GRM8: variants seen among roughly 807,000 people sequenced by gnomAD.
The protein encoded by GRM8 is metabotropic glutamate receptor 8.
A neutral mutation model predicts 87.2 loss-of-function variants in GRM8; 47 were observed. The observed-to-expected ratio is 0.54, with a 90% CI of 0.43 to 0.69. GRM8 has a LOEUF of 0.69. GRM8 is among the 30% of genes least tolerant of loss of function. The probability of loss-of-function intolerance (pLI) is 0.00; values close to 1 mark genes in which losing one functional copy is unlikely to be tolerated. For synonymous variants in GRM8, 396 were observed against 404.5 expected (o/e 0.98, Z 0.25); for missense variants, 1,019 against 1,139.2 (o/e 0.89, Z 1.52).
intron 7 of GRM8, among the ~76,000 whole-genome samples, chr7:126,759,394 A>G (rs1460724869): frequency 8.4e-6 from 1 of 119,138 alleles, no homozygotes; most frequent in Non-Finnish European, 1.9e-5. Flanking sequence ...CGTTCCATCA[A>G]TAAAAAAAGT....
chr7:126,700,107 T>A (rs890052623), intron 7 of GRM8, among the ~76,000 whole-genome samples: 1 of 152,182 alleles, frequency 6.6e-6, no homozygotes, highest in Non-Finnish European at 1.5e-5. Flanking sequence ...CTGATTCAAC[T>A]TTACAGAATG....
At chr7:127,065,895 A>T (rs1025224718) in intron 3 of GRM8, among the ~76,000 whole-genome samples, 6 of 151,802 alleles carry the variant, frequency 4.0e-5, no homozygotes, top group African/African-American at 1.5e-4. Flanking sequence ...CTTTCCCTGT[A>T]AAAAAAAGAA....
At chr7:126,696,904 T>A (rs1056379461) in intron 7 of GRM8, among the ~76,000 whole-genome samples, 1 of 152,088 alleles carries the variant, frequency 6.6e-6, no homozygotes, top group Non-Finnish European at 1.5e-5. Flanking sequence ...CAGCACCTTG[T>A]AGAAATATCC....
At chr7:126,625,762 G>C (rs1310158027) in intron 7 of GRM8, among the ~76,000 whole-genome samples, 1 of 152,022 alleles carries the variant, frequency 6.6e-6, no homozygotes, top group African/African-American at 2.4e-5. Context: ...AAAATCTCTT[G>C]TAAGAAAAGT....
intron 6 of GRM8, among the ~76,000 whole-genome samples, chr7:126,832,602 T>C (rs952341022): frequency 6.6e-6 from 1 of 152,204 alleles, no homozygotes; most frequent in African/African-American, 2.4e-5. Context: ...TCATCAAACA[T>C]AGTCATAGTA....
intron 6 of GRM8, among the ~76,000 whole-genome samples, chr7:126,840,915 G>T (rs760388557): frequency 1.1e-4 from 17 of 152,180 alleles, no homozygotes; most frequent in Non-Finnish European, 2.4e-4. Context: ...ATGTAACAAA[G>T]AAGATATATT....
At chr7:126,453,193 T>C (rs1160985332) in intron 9 of GRM8, among the ~76,000 whole-genome samples, 3 of 151,658 alleles carry the variant, frequency 2.0e-5, no homozygotes, top group Non-Finnish European at 2.9e-5. Flanking sequence ...CAAAGAATTA[T>C]AGTCCAATTT....
rs565668958 is a variant in GRM8 at position 127,003,621 on chromosome 7, G to C, written c.728-98938C>G. ...TAGCTGTGTCGTGTCAAATAGAACA[G>C]ATACTAAACTACAGAAATTGAGTTA... On this transcript the variant is annotated intron_variant, in intron 3 of 10. Coordinates refer to ENST00000339582, the MANE Select transcript of GRM8 (RefSeq NM_000845.3). Among the ~76,000 whole-genome samples, 305 of 151,858 alleles carry C rather than the reference G, an allele frequency of 2.0e-3. 1 individual carries two copies. Among genetic ancestry groups the C allele is most frequent in the Middle Eastern group, 3.4e-3 (1 of 294 alleles).
chr7:126,750,789 T>C (rs1816329588), intron 7 of GRM8, among the ~76,000 whole-genome samples: 1 of 152,138 alleles, frequency 6.6e-6, no homozygotes, highest in Non-Finnish European at 1.5e-5. Context: ...GGTTCTTTGC[T>C]TTCTCTTTTA....
intron 6 of GRM8, among the ~76,000 whole-genome samples, chr7:126,889,414 A>G (rs1429433423): frequency 1.3e-5 from 2 of 152,056 alleles, no homozygotes. Flanking sequence ...AACTTCCAGC[A>G]CTTTGAACAG....
At chr7:126,823,064 TTATACA>T (rs969082197) in intron 6 of GRM8, among the ~76,000 whole-genome samples, 8 of 152,184 alleles carry the variant, frequency 5.3e-5, no homozygotes, top group Non-Finnish European at 8.8e-5. Context: ...ACTAAGCCAC[TTATACA>T]TATAAACACA....
chr7:126,757,225 A>T (rs1197817887), intron 7 of GRM8, among the ~76,000 whole-genome samples: 2 of 152,144 alleles, frequency 1.3e-5, no homozygotes, highest in South Asian at 4.2e-4. Flanking sequence ...ATTTATATAA[A>T]GTTTAAAAGC....
At chr7:126,730,513 A>T (rs540909635) in intron 7 of GRM8, among the ~76,000 whole-genome samples, 1 of 152,276 alleles carries the variant, frequency 6.6e-6, no homozygotes, top group Admixed American at 6.5e-5. Context: ...GGGGACCTGG[A>T]TGTCAGACCA....
At chr7:126,441,096 C>A (rs1163319525) in intron 10 of GRM8, among the ~76,000 whole-genome samples, 1 of 151,812 alleles carries the variant, frequency 6.6e-6, no homozygotes, top group African/African-American at 2.4e-5. Context: ...ATGTAATGAC[C>A]AAGAAAGGTA....
At chr7:126,737,025 A>G (rs1196470943) in intron 7 of GRM8, among the ~76,000 whole-genome samples, 1 of 152,072 alleles carries the variant, frequency 6.6e-6, no homozygotes, top group Admixed American at 6.6e-5. Flanking sequence ...AGATGATAAT[A>G]GCCCTTTCTG....
chr7:127,103,312 G>A (rs1262858540), intron 3 of GRM8, among the ~76,000 whole-genome samples: 1 of 152,208 alleles, frequency 6.6e-6, no homozygotes, highest in Non-Finnish European at 1.5e-5. Flanking sequence ...AGGGCCTGGT[G>A]GAAGGTGTTT....
At chr7:127,183,172 G>A (rs950658199) in intron 2 of GRM8, among the ~76,000 whole-genome samples, 1 of 151,752 alleles carries the variant, frequency 6.6e-6, no homozygotes, top group Non-Finnish European at 1.5e-5. Flanking sequence ...TAAACTTCAG[G>A]AAAAATACTT....
chr7:127,043,360 C>A (rs1818612916), intron 3 of GRM8, among the ~76,000 whole-genome samples: 2 of 152,190 alleles, frequency 1.3e-5, no homozygotes, highest in Admixed American at 1.3e-4. Flanking sequence ...GACTTGGAAC[C>A]TAGCCAAATG....
intron 6 of GRM8, among the ~76,000 whole-genome samples, chr7:126,891,034 G>A (rs1433781271): frequency 6.6e-6 from 1 of 151,882 alleles, no homozygotes; most frequent in Non-Finnish European, 1.5e-5. Flanking sequence ...TATCTCATAG[G>A]ATCCTTAAAC....
Sources: allele counts gnomAD v4.1 joint callset (sites outside exome capture counted in the v4.1 genomes callset), GRCh38; gene constraint gnomAD v4.1.1; transcripts MANE v1.5; gene names NCBI Gene and HGNC (gene_info 2026-07-23, HGNC 2026-07-21).